The following ACACA variants were observed in gnomAD, a reference collection of about 807,000 sequenced individuals.
ACACA encodes acetyl-CoA carboxylase 1.
In ACACA, 103 loss-of-function variants were observed where a neutral mutation model predicts 296.1. The observed-to-expected ratio is 0.35, with a 90% CI of 0.30 to 0.41. ACACA has a LOEUF of 0.41. ACACA is among the 10% of genes least tolerant of loss of function. The pLI is 1.00. For synonymous variants in ACACA, 953 were observed against 1,038.6 expected (o/e 0.92, Z 1.58); for missense variants, 1,554 against 2,989.7 (o/e 0.52, Z 11.20).
At chr17:37,281,245 G>A (rs1054524163) in intron 5 of ACACA, among the ~76,000 whole-genome samples, 4 of 151,828 alleles carry the variant, frequency 2.6e-5, no homozygotes, top group African/African-American at 9.7e-5. Context: ...TTTTAGTAGA[G>A]ATGGGGTTTC....
chr17:37,298,495 AAC>A (rs1242986988), intron 3 of ACACA, among the ~76,000 whole-genome samples: 2 of 152,160 alleles, frequency 1.3e-5, no homozygotes, highest in African/African-American at 2.4e-5. Flanking sequence ...TAGCCTGGGC[AAC>A]ACAGTGAGAC....
At chr17:37,179,442 A>G (rs1438150008) in intron 40 of ACACA, 36 bp from the exon 41 acceptor site, 1 of 1,606,540 alleles carries the variant, frequency 6.2e-7, no homozygotes, top group African/African-American at 1.3e-5. Flanking sequence ...ATCAGTCACA[A>G]TAATTTCAAT....
intron 1 of ACACA, chr17:37,358,886 C>G (rs1227014510): frequency 3.2e-6 from 3 of 948,116 alleles, no homozygotes; most frequent in Non-Finnish European, 3.8e-6. Context: ...GAGCCCAGGC[C>G]GCGTGCGGGT....
intron 10 of ACACA, among the ~76,000 whole-genome samples, chr17:37,268,038 T>C (rs1311073181): frequency 6.6e-6 from 1 of 152,194 alleles, no homozygotes; most frequent in Non-Finnish European, 1.5e-5. Flanking sequence ...CTAGAACTTT[T>C]GTTTCTTCTT....
chr17:37,183,532 C>T (rs2077401820), intron 39 of ACACA, among the ~76,000 whole-genome samples: 1 of 152,022 alleles, frequency 6.6e-6, no homozygotes, highest in Admixed American at 6.6e-5. Context: ...GAAAATTAGA[C>T]AATGAGAACT....
chr17:37,321,735 G>A (rs1316205901), intron 3 of ACACA, among the ~76,000 whole-genome samples: 11 of 141,840 alleles, frequency 7.8e-5, no homozygotes, highest in South Asian at 2.3e-4. Flanking sequence ...GCGACAGAGC[G>A]AGACTCCATC....
At chr17:37,233,709 AGTCT>A (rs951066413) in intron 25 of ACACA, among the ~76,000 whole-genome samples, 27 of 152,296 alleles carry the variant, frequency 1.8e-4, no homozygotes, top group Admixed American at 5.2e-4. Context: ...ACATCTAAAT[AGTCT>A]TTCTTCCTTC....
At chr17:37,128,476 C>T (rs997542583) in intron 47 of ACACA, among the ~76,000 whole-genome samples, 2 of 152,204 alleles carry the variant, frequency 1.3e-5, no homozygotes, top group Admixed American at 1.3e-4. Flanking sequence ...CTTCTGCAAT[C>T]TCTTCTACTT....
chr17:37,177,484 A>G (rs1329384023), intron 41 of ACACA, among the ~76,000 whole-genome samples: 1 of 152,198 alleles, frequency 6.6e-6, no homozygotes, highest in African/African-American at 2.4e-5. Flanking sequence ...GAGGGCAGAA[A>G]GAAAGCAGGA....
intron 45 of ACACA, chr17:37,144,212 T>C: frequency 1.4e-6 from 1 of 721,034 alleles, no homozygotes. Flanking sequence ...ATGCTTCTTA[T>C]GCTCCTCCCA....
At chr17:37,159,203 TATAAC>T (rs2076370008) in intron 42 of ACACA, among the ~76,000 whole-genome samples, 1 of 151,818 alleles carries the variant, frequency 6.6e-6, no homozygotes, top group African/African-American at 2.4e-5. Flanking sequence ...ATAAAATTAA[TATAAC>T]ATAAAATTAA....
At chr17:37,100,720 C>T (rs1455986947) in intron 52 of ACACA, among the ~76,000 whole-genome samples, 1 of 151,132 alleles carries the variant, frequency 6.6e-6, no homozygotes, top group Non-Finnish European at 1.5e-5. Flanking sequence ...TCAATGTTTA[C>T]AGTTCTTGAT....
chr17:37,390,304 T>TTTTATATATATATATATTATA (rs1201500381), intron 1 of ACACA, among the ~76,000 whole-genome samples: 3 of 17,976 alleles, frequency 1.7e-4, no homozygotes, highest in African/African-American at 3.8e-4. Context: ...TTATACATAA[T>TTTTATATATATATATATTATA]TATATATATA....
At chr17:37,215,904 C>G (rs773620090) in intron 29 of ACACA, among the ~76,000 whole-genome samples, 17 of 152,082 alleles carry the variant, frequency 1.1e-4, no homozygotes, top group Non-Finnish European at 2.1e-4. Flanking sequence ...CTCACAGAAT[C>G]TTCAATGAGA....
chr17:37,222,265 G>A (rs1363987417), intron 28 of ACACA, among the ~76,000 whole-genome samples: 1 of 152,162 alleles, frequency 6.6e-6, no homozygotes, highest in Non-Finnish European at 1.5e-5. Context: ...GAAGACACAA[G>A]CAATCACAGT....
At chr17:37,168,535 T>A (rs1269507141) in intron 41 of ACACA, among the ~76,000 whole-genome samples, 2 of 151,350 alleles carry the variant, frequency 1.3e-5, no homozygotes, top group East Asian at 1.9e-4. Flanking sequence ...AAAAAAAAAA[T>A]TTAAGGGGGG....
At chr17:37,295,786 G>A (rs929028648) in intron 3 of ACACA, among the ~76,000 whole-genome samples, 3 of 151,996 alleles carry the variant, frequency 2.0e-5, no homozygotes, top group Non-Finnish European at 4.4e-5. Flanking sequence ...TTAGCTGGGC[G>A]TGGTGGTGGG....
At chr17:37,207,020 G>A (rs2078533104) in intron 31 of ACACA, 141 bp from the exon 32 acceptor site, 1 of 780,554 alleles carries the variant, frequency 1.3e-6, no homozygotes, top group Non-Finnish European at 2.1e-6. Context: ...AGTGGCTAGA[G>A]GTGACATGCA....
At chr17:37,314,376 G>A (rs1321897372) in intron 3 of ACACA, among the ~76,000 whole-genome samples, 1 of 152,078 alleles carries the variant, frequency 6.6e-6, no homozygotes, top group Non-Finnish European at 1.5e-5. Flanking sequence ...TGGGATTACA[G>A]GCATGAGCCA....
Sources: gnomAD v4.1 joint callset for allele counts (sites outside exome capture counted in the v4.1 genomes callset) on GRCh38, gnomAD v4.1.1 for gene constraint, MANE v1.5 for transcripts, NCBI Gene and HGNC (gene_info 2026-07-23, HGNC 2026-07-21) for gene names.